RP1L1: variants seen among roughly 807,000 people sequenced by gnomAD.
RP1L1 encodes retinitis pigmentosa 1-like 1 protein.
RP1L1 carries 27 observed loss-of-function variants against 15.7 expected under a neutral mutation model. That is an observed-to-expected ratio of 1.72 (90% CI 1.27 to 2.38). The LOEUF is 2.38. Ranked by LOEUF, RP1L1 falls within the 30% of genes most tolerant of loss-of-function variation. The pLI is 0.00. For synonymous variants in RP1L1, 1,813 were observed against 1,276.7 expected, an observed-to-expected ratio of 1.42 and a Z score of -8.96; for missense variants, 4,798 against 3,075.9, an observed-to-expected ratio of 1.56 and a Z score of -13.24.
chr8:10,627,445 G>T (rs1798176055), intron 1 of RP1L1, among the ~76,000 whole-genome samples: 1 of 152,062 alleles, frequency 6.6e-6, no homozygotes, highest in South Asian at 2.1e-4. Context: ...ATTTTATAGA[G>T]ACAGAAAGTA....
chr8:10,613,632 A>T (rs562622262), intron 3 of RP1L1, among the ~76,000 whole-genome samples: 180 of 151,148 alleles, frequency 1.2e-3, no homozygotes, highest in African/African-American at 4.2e-3. Flanking sequence ...AAAGTAAAGA[A>T]ATAATTACCT....
chr8:10,613,355 C>T lies in RP1L1; in HGVS notation c.752-9G>A, dbSNP rs774638276. The T allele has an allele frequency of 3.1e-6, 5 of 1,599,354 alleles. No individual in the cohort carries two copies. In the East Asian group the frequency reaches 8.9e-5, roughly 29 times the overall value. ...CTTTGGCCCCCAGCTCCCTGGCACG[C>T]AGTGAAGAGGAAAAGAAAAGAAGAA... On this transcript the variant is annotated splice_polypyrimidine_tract_variant and intron_variant, in intron 3 of 3. Coordinates refer to ENST00000382483, the MANE Select transcript of RP1L1 (RefSeq NM_178857.6).
intron 2 of RP1L1, among the ~76,000 whole-genome samples, chr8:10,618,406 G>C (rs1377965515): frequency 6.6e-6 from 1 of 152,188 alleles, no homozygotes; most frequent in South Asian, 2.1e-4. Context: ...TACTTGGGAG[G>C]CTGAGGCAGA....
Position 10,606,649 on chromosome 8 carries a change from C to G in RP1L1, c.*246G>C. ...TAGGAGCCGGGCTGACCTCCGATAA[C>G]CGGGCAGATCCGCAGACACCCCCTT... On this transcript the variant is annotated 3_prime_UTR_variant, in exon 4 of 4. Coordinates refer to ENST00000382483, the MANE Select transcript of RP1L1 (RefSeq NM_178857.6). 1.7e-6 allele frequency: 1 copy of G among 586,246 alleles called. No homozygotes were observed. Among genetic ancestry groups the G allele is most frequent in the Non-Finnish European group, 2.9e-6 (1 of 342,468 alleles). The allele number at this position is 586,246 out of a possible 1,614,324, so 36.3% of individuals were successfully genotyped here.
Position 10,610,285 on chromosome 8 carries a change from G to T in RP1L1, c.3813C>A (p.Thr1271=), listed in dbSNP as rs764540841. The T allele has an allele frequency of 6.2e-7, 1 of 1,614,132 alleles. No homozygotes were observed. Among genetic ancestry groups the T allele is most frequent in the South Asian group, 1.1e-5 (1 of 91,076 alleles). ...TGTCTCTTTCTGCTTCATCCTCATT[G>T]GTGGCACAAGCGCAGGCTCGGGCGT... ...FLNARACACA[T]NEDEAERDSE... is the part of the protein sequence containing the mutation. The change falls in exon 4 of 4, where the codon ACC becomes ACA. Residue 1271 remains threonine (T), a synonymous_variant. Transcript: ENST00000382483.
chr8:10,638,306 C>T (rs7819196), intron 1 of RP1L1, among the ~76,000 whole-genome samples: 1,537 of 152,170 alleles, frequency 0.01, 21 homozygotes, highest in African/African-American at 0.035. Flanking sequence ...TTTGGGTAGC[C>T]TTGATGATAA....
In RP1L1 at chr8:10,609,646, G is replaced by T. The variant is rs1261808377; in HGVS notation, c.4452C>A (p.Thr1484=). Residue 1484 remains threonine (T), a synonymous_variant, in exon 4 of 4, where the codon ACC becomes ACA. Transcript: ENST00000382483. ...EPGLEKPPGA[T]MMGQEHTQAQ... ...CCTGCGTGTGCTCTTGGCCCATCAT[G>T]GTGGCTCCGGGCGGCTTTTCCAAAC... The T allele has an allele frequency of 6.2e-7, 1 of 1,609,744 alleles. No individual in the cohort carries two copies. Among genetic ancestry groups the T allele is most frequent in the Non-Finnish European group, 8.5e-7 (1 of 1,179,982 alleles).
intron 1 of RP1L1, among the ~76,000 whole-genome samples, chr8:10,632,851 A>G (rs1175176454): frequency 6.6e-6 from 1 of 152,018 alleles, no homozygotes; most frequent in Non-Finnish European, 1.5e-5. Flanking sequence ...CTCTGACACA[A>G]CTCAGAGCCA....
Position 10,611,704 on chromosome 8 carries a change from G to C in RP1L1, c.2394C>G (p.Asp798Glu). The change falls in exon 4 of 4, where the codon GAC becomes GAG. Residue 798 changes from aspartate to glutamate, a missense_variant. Physicochemically the swap from Asp to Glu is conservative, Grantham distance 45. Coordinates refer to ENST00000382483, the MANE Select transcript of RP1L1 (RefSeq NM_178857.6). ...CCAAGGGTGAGGAGGGCTGAGGCGT[G>C]TCCCTGGCCTCTTCCCCCAGGCTGG... Reference protein sequence around the residue: ...GAASLGEEARDTPQPSSPLVL... With the variant: ...GAASLGEEARETPQPSSPLVL... 1.2e-6 allele frequency: 2 copies of C among 1,613,570 alleles called. No individual in the cohort carries two copies. Among genetic ancestry groups the C allele is most frequent in the Non-Finnish European group, 1.7e-6 (2 of 1,179,998 alleles).
In RP1L1 at chr8:10,608,052, C is replaced by T; in HGVS notation, c.6046G>A (p.Ala2016Thr). The T allele has an allele frequency of 6.2e-7, 1 of 1,613,092 alleles. No individual in the cohort carries two copies. The highest frequency in any genetic ancestry group is 8.5e-7 in the Non-Finnish European group (1 of 1,179,776). The change falls in exon 4 of 4, where the codon GCC becomes ACC. Residue 2016 changes from alanine to threonine, a missense_variant. Transcript: ENST00000382483. ...EGEMQEAEEE[A>T]QPESDGVEAQ... Reference sequence around the variant, plus strand: ...TCTACACCGTCTGACTCTGGCTGGGCCTCCTCTTCTGCCTCTTGCATCTCC... The same window carrying T: ...TCTACACCGTCTGACTCTGGCTGGGTCTCCTCTTCTGCCTCTTGCATCTCC...
rs746982804 is a variant in RP1L1, at chr8:10,610,721, T to C, written c.3377A>G (p.Gln1126Arg). The change falls in exon 4 of 4, where the codon CAG (glutamine) becomes CGG (arginine). Residue 1126 changes from glutamine to arginine, a missense_variant. Gln to Arg is a conservative substitution (Grantham distance 43). Coordinates refer to ENST00000382483, the MANE Select transcript of RP1L1 (RefSeq NM_178857.6). Reference sequence around the variant, plus strand: ...AGACCCAAGGTCTTCCTCAAATAACTGCAGACTGGCCAGACAAGTAATGAG... The same window carrying C: ...AGACCCAAGGTCTTCCTCAAATAACCGCAGACTGGCCAGACAAGTAATGAG... ...GALITCLASLQLFEEDLGSPA... is the reference protein window; with the variant it reads ...GALITCLASLRLFEEDLGSPA... 1 of 1,613,574 alleles carries C rather than the reference T, an allele frequency of 6.2e-7. No homozygotes were observed. Among genetic ancestry groups the C allele is most frequent in the Non-Finnish European group, 8.5e-7 (1 of 1,180,024 alleles).
In RP1L1 at chr8:10,612,712, G is replaced by A. The variant is rs75355484; in HGVS notation, c.1386C>T (p.Pro462=). The A allele has an allele frequency of 1.4e-3, 2,297 of 1,604,708 alleles. 31 individuals carry two copies. In the African/African-American group the frequency reaches 0.028, roughly 19 times the overall value. Residue 462 remains proline (P), a synonymous_variant, in exon 4 of 4, where the codon CCC becomes CCT. Coordinates refer to ENST00000382483, the MANE Select transcript of RP1L1 (RefSeq NM_178857.6). ...AGGAGGACTCTGGCTCCGAGCCCTCGGGGAGGCCGGTGCTGGAGGCTGGGC... is the reference window on the plus strand; with the variant it reads ...AGGAGGACTCTGGCTCCGAGCCCTCAGGGAGGCCGGTGCTGGAGGCTGGGC... ...SASPASSTGL[P]EGSEPESSCC... is the part of the protein sequence containing the mutation.
intron 3 of RP1L1, among the ~76,000 whole-genome samples, chr8:10,615,103 G>C (rs1027354908): frequency 1.3e-5 from 2 of 152,136 alleles, no homozygotes; most frequent in East Asian, 1.9e-4. Context: ...CACTCCTCCA[G>C]GGAGGGACCC....
Position 10,608,283 on chromosome 8 carries a change from C to G in RP1L1, c.5815G>C (p.Glu1939Gln), listed in dbSNP as rs1411216932. The G allele has an allele frequency of 6.3e-7, 1 of 1,597,272 alleles. No homozygotes were observed. The highest frequency in any genetic ancestry group is 1.1e-5 in the South Asian group (1 of 90,144). The change falls in exon 4 of 4, where the codon GAG becomes CAG. Residue 1939 changes from glutamate to glutamine, a missense_variant. Transcript: ENST00000382483. ...GCCGCCTCTTCTGCCTCTTGGGCCT[C>G]TGCACCTTCTGACTCTGGCTCGTCC... ...GEDEPESEGA[E>Q]AQEAEEAAQE...
chr8:10,610,972 G>T lies in RP1L1; in HGVS notation c.3126C>A (p.Val1042=), dbSNP rs1293662359. 6 of 1,612,260 alleles carry T rather than the reference G, an allele frequency of 3.7e-6. No individual in the cohort carries two copies. The African/African-American group carries it at 5.3e-5, about 14-fold the overall frequency. Residue 1042 remains valine (V), a synonymous_variant, in exon 4 of 4, where the codon GTC becomes GTA. Coordinates refer to ENST00000382483, the MANE Select transcript of RP1L1 (RefSeq NM_178857.6). ...CTCCCTCTGGAGCTGCCCCTTGGGGGACACCCTCTCCTGATTGGGGACCAG... is the reference window on the plus strand; with the variant it reads ...CTCCCTCTGGAGCTGCCCCTTGGGGTACACCCTCTCCTGATTGGGGACCAG... The part of the protein sequence containing the change: ...SDTGPQSGEG[V]PQGAAPEGVS...
intron 1 of RP1L1, among the ~76,000 whole-genome samples, chr8:10,649,038 G>A (rs948002664): frequency 6.6e-5 from 10 of 152,204 alleles, no homozygotes; most frequent in Admixed American, 3.9e-4. Flanking sequence ...GAGCTGCAGC[G>A]CCATGCCTGA....
At chr8:10,631,860 T>C (rs1021696081) in intron 1 of RP1L1, among the ~76,000 whole-genome samples, 1 of 152,152 alleles carries the variant, frequency 6.6e-6, no homozygotes, top group Non-Finnish European at 1.5e-5. Context: ...AGGTCTGGAT[T>C]CAAAAACAGG....
chr8:10,614,696 G>A (rs1256652775), intron 3 of RP1L1, among the ~76,000 whole-genome samples: 3 of 146,072 alleles, frequency 2.1e-5, no homozygotes, highest in Admixed American at 6.8e-5. Flanking sequence ...AAAAAAGAAA[G>A]GAGGGAAGGA....
chr8:10,623,903 CCCCAGCATCACCATGT>C lies in RP1L1; in HGVS notation c.-19-699_-19-684del, dbSNP rs1193704593. On this transcript the variant is annotated intron_variant, in intron 1 of 3. Coordinates refer to ENST00000382483, the MANE Select transcript of RP1L1 (RefSeq NM_178857.6). Reference sequence around the variant, plus strand: ...CACTATGTTCCCAGCACCTCCATGTCCCCAGCATCACCATGTCCCAGAACCACTGTGTCCCCAGCAC... The same window carrying C: ...CACTATGTTCCCAGCACCTCCATGTCCCCAGAACCACTGTGTCCCCAGCAC... Among the ~76,000 whole-genome samples, 9 of 151,772 alleles carry C rather than the reference CCCCAGCATCACCATGT, an allele frequency of 5.9e-5. No individual in the cohort carries two copies. In the South Asian group the frequency reaches 1.9e-3, roughly 32 times the overall value.
Sources: allele counts gnomAD v4.1 joint callset (sites outside exome capture counted in the v4.1 genomes callset), GRCh38; gene constraint gnomAD v4.1.1; transcripts MANE v1.5; gene names NCBI Gene and HGNC (gene_info 2026-07-23, HGNC 2026-07-21).